Variants in PICK1 observed in about 807,000 individuals in gnomAD.
The protein encoded by PICK1 is protein interacting with PRKCA 1.
PICK1 carries 23 observed loss-of-function variants against 48.9 expected under a neutral mutation model. The ratio of observed to expected loss-of-function variants is 0.47; its 90% CI spans 0.34 to 0.67. The LOEUF (loss-of-function observed/expected upper bound fraction) is 0.67. PICK1 is among the 30% of genes least tolerant of loss of function. The pLI is 0.01. For missense variants in PICK1, 423 were observed against 557.1 expected (o/e 0.76, Z 2.42); for synonymous variants, 217 against 228.2 (o/e 0.95, Z 0.44).
At position 38,074,293 on chromosome 22, in the gene PICK1, C is replaced by CA. The variant is rs2056883883; in HGVS notation, c.835-13dup. ...CGTCCCTGAGCAGGCACTCCTGTCC[C>CA]ACCCCCGCCCCAGGCCCTAGGCGAG... On this transcript the variant is annotated splice_polypyrimidine_tract_variant and intron_variant, in intron 11 of 12. Transcript: ENST00000356976. This position sits in a 1 kb window ranked among gnomAD's most constrained non-coding sequence, Gnocchi z 4.5. 1.2e-6 allele frequency: 2 copies of CA among 1,611,554 alleles called. No homozygotes were observed. Among genetic ancestry groups the CA allele is most frequent in the Non-Finnish European group, 1.7e-6 (2 of 1,178,960 alleles).
chr22:38,070,864 C>G lies in PICK1; in HGVS notation c.466C>G (p.Leu156Val). ...TGGGCTTGTCAAGAGGCTAGAGGAGCTGGAGCGGACCGCTGAGCTATACAA... is the reference window on the plus strand; with the variant it reads ...TGGGCTTGTCAAGAGGCTAGAGGAGGTGGAGCGGACCGCTGAGCTATACAA... ...NDGLVKRLEE[L>V]ERTAELYKGM... The change falls in exon 7 of 13, where the codon CTG (leucine) becomes GTG (valine). Residue 156 changes from leucine to valine, a missense_variant. Leu to Val is a conservative substitution (Grantham distance 32). Transcript: ENST00000356976. 1 of 1,613,976 alleles carries G rather than the reference C, an allele frequency of 6.2e-7. No homozygotes were observed.
In PICK1 at chr22:38,066,754, T is replaced by C. The variant is rs3026686; in HGVS notation, c.283-950T>C. On this transcript the variant is annotated intron_variant, in intron 4 of 12. Transcript: ENST00000356976. The surrounding 1 kb of genome is among the most constrained non-coding windows in gnomAD (Gnocchi z 4.1). ...CCTTTGGGACTTGATTTTAAAATCC[T>C]GTTTTATATTTGGATGAATGTGGTC... Among the ~76,000 whole-genome samples, 448 of 152,366 alleles carry C rather than the reference T, an allele frequency of 2.9e-3. 2 individuals are homozygous for C. Among genetic ancestry groups the C allele is most frequent in the African/African-American group, 0.01 (424 of 41,592 alleles).
At chr22:38,059,491 C>T (rs1224013168) in intron 3 of PICK1, 146 bp downstream of exon 3, 6 of 676,156 alleles carry the variant, frequency 8.9e-6, no homozygotes, top group East Asian at 2.7e-5. Context: ...ACCTGCGCTG[C>T]GTTGCTCTGC....
Position 38,065,090 on chromosome 22 carries a change from A to G in PICK1, c.242A>G (p.Lys81Arg). The G allele has an allele frequency of 6.2e-7, 1 of 1,614,116 alleles. No individual in the cohort carries two copies. The highest frequency in any genetic ancestry group is 1.1e-5 in the South Asian group (1 of 91,080). The change falls in exon 4 of 13, where the codon AAA becomes AGA. Residue 81 changes from lysine to arginine, a missense_variant. Physicochemically the swap from Lys to Arg is conservative, Grantham distance 26. Coordinates refer to ENST00000356976, the MANE Select transcript of PICK1 (RefSeq NM_012407.4). ...TGVNGRSIKG[K>R]TKVEVAKMIQ... Reference sequence around the variant, plus strand: ...GTCAATGGCAGGTCAATCAAAGGGAAAACTAAGGTGGAGGTGGCGAAGATG... The same window carrying G: ...GTCAATGGCAGGTCAATCAAAGGGAGAACTAAGGTGGAGGTGGCGAAGATG...
chr22:38,070,213 C>T (rs889540093), intron 6 of PICK1, among the ~76,000 whole-genome samples: 1 of 152,258 alleles, frequency 6.6e-6, no homozygotes, highest in Non-Finnish European at 1.5e-5. Flanking sequence ...GAGCAGAGAG[C>T]ACCTGACTGC....
chr22:38,071,937 G>C (rs368157872), intron 8 of PICK1, 193 bp downstream of exon 8: 1 of 649,972 alleles, frequency 1.5e-6, no homozygotes. Flanking sequence ...GGGCCGCAAC[G>C]ATGAACAGGC....
At chr22:38,071,953 C>A in intron 8 of PICK1, 1 of 620,856 alleles carries the variant, frequency 1.6e-6, no homozygotes. Context: ...CAGGCCCCAC[C>A]CTGTCTCCTC....
rs1387223152 is a variant in PICK1 at position 38,066,915 on chromosome 22, C to T, written c.283-789C>T. ...GTGGTTTGTGTAATTCCCTGATTCG[C>T]ATCAGCCTTGCGGGGCTGGGGCTGC... On this transcript the variant is annotated intron_variant, in intron 4 of 12. Transcript: ENST00000356976. This position sits in a 1 kb window ranked among gnomAD's most constrained non-coding sequence, Gnocchi z 4.1. Among the ~76,000 whole-genome samples the T allele has an allele frequency of 2.6e-5, 4 of 152,188 alleles. No individual in the cohort carries two copies. Among genetic ancestry groups the T allele is most frequent in the Non-Finnish European group, 5.9e-5 (4 of 68,030 alleles).
Position 38,074,978 on chromosome 22 carries a change from C to A in PICK1, c.1094C>A (p.Ala365Glu). 6.2e-7 allele frequency: 1 copy of A among 1,613,716 alleles called. No homozygotes were observed. Among genetic ancestry groups the A allele is most frequent in the South Asian group, 1.1e-5 (1 of 91,088 alleles). ...ADVFPIEVDL[A>E]HTTLAYGLNQ... is the part of the protein sequence containing the mutation. Reference sequence around the variant, plus strand: ...GTCTTCCCCATCGAGGTAGACCTGGCGCACACCACATTGGCCTATGGCCTC... The same window carrying A: ...GTCTTCCCCATCGAGGTAGACCTGGAGCACACCACATTGGCCTATGGCCTC... Residue 365 changes from alanine to glutamate, a missense_variant, in exon 13 of 13, where the codon GCG becomes GAG. This residue lies in a region of PICK1 where 144 missense variants were observed against 139.3 expected (regional missense o/e 1.03). Coordinates refer to ENST00000356976, the MANE Select transcript of PICK1 (RefSeq NM_012407.4). The surrounding 1 kb of genome is among the most constrained non-coding windows in gnomAD (Gnocchi z 4.5).
rs377758089 is a variant in PICK1 at position 38,067,689 on chromosome 22, G to T, written c.283-15G>T. On this transcript the variant is annotated splice_polypyrimidine_tract_variant and intron_variant, in intron 4 of 12. Transcript: ENST00000356976. ...TGGAGCCTCGCTCACTAGTCTGTGT[G>T]TGCTGCTCTTCCAGGGGGAGGTGAC... 2.5e-6 allele frequency: 4 copies of T among 1,612,096 alleles called. No individual in the cohort carries two copies. Among genetic ancestry groups the T allele is most frequent in the African/African-American group, 2.7e-5 (2 of 74,884 alleles).
At chr22:38,067,548 A>G in intron 4 of PICK1, 156 bp from the exon 5 acceptor site, 1 of 674,514 alleles carries the variant, frequency 1.5e-6, no homozygotes, top group East Asian at 2.9e-5. Context: ...ACCTCAAGTG[A>G]TCTGCCTGCC....
rs2085520167 is a variant in PICK1, at chr22:38,066,199, C to T, written c.282+1069C>T. ...GAAGCAGCAAGGTTCATTGAGACCC[C>T]ACAGCTGCCACTCCACGTGGTCTGG... On this transcript the variant is annotated intron_variant, in intron 4 of 12. Transcript: ENST00000356976. The surrounding 1 kb of genome is among the most constrained non-coding windows in gnomAD (Gnocchi z 4.1). Among the ~76,000 whole-genome samples, 1 of 152,162 alleles carries T rather than the reference C, an allele frequency of 6.6e-6. No individual in the cohort carries two copies. The highest frequency in any genetic ancestry group is 6.5e-5 in the Admixed American group (1 of 15,276).
At chr22:38,067,089 G>A (rs1221129764) in intron 4 of PICK1, among the ~76,000 whole-genome samples, 3 of 151,988 alleles carry the variant, frequency 2.0e-5, no homozygotes, top group East Asian at 1.9e-4. Flanking sequence ...CAAAGGCTTG[G>A]AGTGTGGTTT....
At chr22:38,061,395 G>A (rs187157733) in intron 3 of PICK1, among the ~76,000 whole-genome samples, 1 of 152,142 alleles carries the variant, frequency 6.6e-6, no homozygotes, top group African/African-American at 2.4e-5. Flanking sequence ...ATTCAATTTT[G>A]TTTTTATCAA....
chr22:38,065,115 G>T lies in PICK1; in HGVS notation c.267G>T (p.Met89Ile). The change falls in exon 4 of 13, where the codon ATG becomes ATT. Residue 89 changes from methionine (M) to isoleucine (I), a missense_variant. Met to Ile is a conservative substitution (Grantham distance 10). This residue lies in a region of PICK1 where 279 missense variants were observed against 417.8 expected (regional missense o/e 0.67). Transcript: ENST00000356976. ...AAACTAAGGTGGAGGTGGCGAAGAT[G>T]ATTCAGGAGGTGAAGGTAAGGGCTG... ...KGKTKVEVAKMIQEVKGEVTI... is the reference protein window; with the variant it reads ...KGKTKVEVAKIIQEVKGEVTI... 4 of 1,613,990 alleles carry T rather than the reference G, an allele frequency of 2.5e-6. No individual in the cohort carries two copies. The South Asian group carries it at 3.3e-5, about 13-fold the overall frequency.
At position 38,066,152 on chromosome 22, in the gene PICK1, C is replaced by G. The variant is rs565182937; in HGVS notation, c.282+1022C>G. ...CAAATCAGGGCCTGGGGCTGGGGCT[C>G]AGAGCTCTGTTGTAAAAAAAGGAAG... On this transcript the variant is annotated intron_variant, in intron 4 of 12. Transcript: ENST00000356976. This position sits in a 1 kb window ranked among gnomAD's most constrained non-coding sequence, Gnocchi z 4.1. Among the ~76,000 whole-genome samples the G allele has an allele frequency of 1.9e-4, 29 of 152,230 alleles. No individual in the cohort carries two copies. The South Asian group carries it at 2.3e-3, about 12-fold the overall frequency.
At chr22:38,064,975 C>CCCA (rs1190784856) in intron 3 of PICK1, 27 bp from the exon 4 acceptor site, 1 of 1,613,382 alleles carries the variant, frequency 6.2e-7, no homozygotes, top group Non-Finnish European at 8.5e-7. Flanking sequence ...CCTTTCTTCC[C>CCCA]CCACCACTCT....
Position 38,070,869 on chromosome 22 carries a change from G to A in PICK1, c.471G>A (p.Glu157=), listed in dbSNP as rs1400870534. The part of the protein sequence containing the change: ...DGLVKRLEEL[E]RTAELYKGMT... ...TTGTCAAGAGGCTAGAGGAGCTGGA[G>A]CGGACCGCTGAGCTATACAAAGGTG... Residue 157 remains glutamate, a synonymous_variant, in exon 7 of 13, where the codon GAG becomes GAA. Transcript: ENST00000356976. 1.2e-6 allele frequency: 2 copies of A among 1,613,916 alleles called. No homozygotes were observed. The highest frequency in any genetic ancestry group is 1.7e-6 in the Non-Finnish European group (2 of 1,180,004).
At chr22:38,067,534 C>G (rs1392577743) in intron 4 of PICK1, 170 bp from the exon 5 acceptor site, 9 of 645,650 alleles carry the variant, frequency 1.4e-5, no homozygotes, top group Non-Finnish European at 2.0e-5. Flanking sequence ...GTCTCAAACT[C>G]CTGACCTCAA....
Sources: gnomAD v4.1 joint callset for allele counts (sites outside exome capture counted in the v4.1 genomes callset) on GRCh38, gnomAD v4.1.1 for gene constraint, gnomAD v4.1.1 regional missense constraint, Gnocchi (gnomAD v3.1) non-coding constraint, MANE v1.5 for transcripts, NCBI Gene and HGNC (gene_info 2026-07-23, HGNC 2026-07-21) for gene names.